Variants in ZDHHC14 observed in about 807,000 individuals in gnomAD.
ZDHHC14 encodes the protein zDHHC palmitoyltransferase 14.
Under a neutral mutation model 47.7 loss-of-function variants are expected in ZDHHC14, and 16 were observed. The observed-to-expected ratio is 0.34, with a 90% CI of 0.23 to 0.51. The LOEUF is 0.51. Among genes scored for constraint, ZDHHC14 ranks in the 20% least tolerant of loss-of-function variants. The probability of loss-of-function intolerance (pLI) is 0.97; values close to 1 mark genes in which losing one functional copy is unlikely to be tolerated. For synonymous variants in ZDHHC14, 293 were observed against 278.9 expected, an observed-to-expected ratio of 1.05 and a Z score of -0.50; for missense variants, 515 against 662.5, an observed-to-expected ratio of 0.78 and a Z score of 2.44.
intron 1 of ZDHHC14, among the ~76,000 whole-genome samples, chr6:157,518,393 TG>T (rs1166954551): frequency 7.0e-4 from 23 of 32,810 alleles, no homozygotes; most frequent in African/African-American, 3.0e-3. Context: ...AGGGAAGGGG[TG>T]GGGGGAGGGT....
intron 3 of ZDHHC14, among the ~76,000 whole-genome samples, chr6:157,626,808 T>G (rs1785443125): frequency 6.6e-6 from 1 of 151,890 alleles, no homozygotes; most frequent in South Asian, 2.1e-4. Flanking sequence ...CCCCGGGTAT[T>G]CTCTGTGATA....
chr6:157,411,771 A>T (rs183424879), intron 1 of ZDHHC14, among the ~76,000 whole-genome samples: 1 of 139,082 alleles, frequency 7.2e-6, no homozygotes, highest in Non-Finnish European at 1.6e-5. Context: ...AAAAAAAAAA[A>T]TTAAAGCTTT....
chr6:157,453,639 G>C (rs1000539340), intron 1 of ZDHHC14, among the ~76,000 whole-genome samples: 1 of 152,194 alleles, frequency 6.6e-6, no homozygotes, highest in Non-Finnish European at 1.5e-5. Flanking sequence ...TCATTCAGTA[G>C]GTATTTCTTG....
At chr6:157,437,459 G>A (rs1199588675) in intron 1 of ZDHHC14, among the ~76,000 whole-genome samples, 1 of 152,214 alleles carries the variant, frequency 6.6e-6, no homozygotes, top group Non-Finnish European at 1.5e-5. Flanking sequence ...GAACAGGTTT[G>A]TCTCTGTAGT....
intron 8 of ZDHHC14, among the ~76,000 whole-genome samples, chr6:157,660,242 G>A (rs1583090683): frequency 1.3e-5 from 2 of 150,066 alleles, no homozygotes; most frequent in African/African-American, 4.9e-5. Flanking sequence ...GCCCAGGCTG[G>A]AGTGCAGTGG....
At chr6:157,639,595 C>T (rs1358306541) in intron 5 of ZDHHC14, among the ~76,000 whole-genome samples, 1 of 152,236 alleles carries the variant, frequency 6.6e-6, no homozygotes, top group African/African-American at 2.4e-5. Context: ...AGCCACTGCA[C>T]CCGGCAAGAA....
At chr6:157,421,059 A>T (rs1008071106) in intron 1 of ZDHHC14, among the ~76,000 whole-genome samples, 1 of 151,334 alleles carries the variant, frequency 6.6e-6, no homozygotes, top group East Asian at 1.9e-4. Flanking sequence ...ACTTCAGTTT[A>T]TTTTTTTTTG....
chr6:157,580,124 T>C (rs1783460027), intron 2 of ZDHHC14, among the ~76,000 whole-genome samples: 1 of 152,214 alleles, frequency 6.6e-6, no homozygotes, highest in South Asian at 2.1e-4. Flanking sequence ...TCACATCTCT[T>C]TTATTTCTGC....
chr6:157,476,314 T>C (rs1170951328), intron 1 of ZDHHC14, among the ~76,000 whole-genome samples: 3 of 152,180 alleles, frequency 2.0e-5, no homozygotes, highest in Non-Finnish European at 4.4e-5. Context: ...CTAGAAGATA[T>C]GGGTCAATTC....
chr6:157,658,363 T>G (rs1562533949), intron 8 of ZDHHC14, among the ~76,000 whole-genome samples: 1 of 152,194 alleles, frequency 6.6e-6, no homozygotes, highest in African/African-American at 2.4e-5. Context: ...TTTGTGAGTC[T>G]CTGATCCTTG....
At chr6:157,468,263 C>A (rs1562437676) in intron 1 of ZDHHC14, among the ~76,000 whole-genome samples, 1 of 152,174 alleles carries the variant, frequency 6.6e-6, no homozygotes, top group Non-Finnish European at 1.5e-5. Flanking sequence ...TCTAGGAAAT[C>A]ATCAATGTCC....
rs561545105 is a variant in ZDHHC14, at chr6:157,561,500, C to T, written c.406+18755C>T. Among the ~76,000 whole-genome samples the T allele has an allele frequency of 6.6e-5, 10 of 152,254 alleles. No homozygotes were observed. In the South Asian group the frequency reaches 1.7e-3, roughly 25 times the overall value. The stretch of plus-strand genomic sequence containing the variant: ...CTGACTCAGCAGGTAGAGTGTCCGA[C>T]GGGCGCGCATGTGAGACCTGCTGTC... On this transcript the variant is annotated intron_variant, in intron 2 of 8. Transcript: ENST00000359775.
chr6:157,437,595 A>G (rs915575369), intron 1 of ZDHHC14, among the ~76,000 whole-genome samples: 4 of 152,206 alleles, frequency 2.6e-5, no homozygotes, highest in Admixed American at 6.5e-5. Context: ...GAAGACCCCA[A>G]TTAAAGAATC....
intron 3 of ZDHHC14, among the ~76,000 whole-genome samples, chr6:157,606,109 A>G (rs1004266464): frequency 1.4e-4 from 21 of 152,320 alleles, no homozygotes; most frequent in African/African-American, 4.6e-4. Flanking sequence ...TTTCAGGATA[A>G]CACAGGTCTC....
At chr6:157,493,328 G>A (rs1011682584) in intron 1 of ZDHHC14, among the ~76,000 whole-genome samples, 4 of 152,362 alleles carry the variant, frequency 2.6e-5, no homozygotes, top group South Asian at 2.1e-4. Context: ...CCGCAAGGGC[G>A]AGCGGGACGG....
intron 1 of ZDHHC14, among the ~76,000 whole-genome samples, chr6:157,509,657 T>C (rs1466697618): frequency 2.0e-5 from 3 of 152,198 alleles, no homozygotes; most frequent in African/African-American, 4.8e-5. Flanking sequence ...TTGAAATTAA[T>C]AAAACTGTGA....
Position 157,673,028 on chromosome 6 carries a change from C to T in ZDHHC14, c.1373C>T (p.Ala458Val), listed in dbSNP as rs750199563. Residue 458 changes from alanine to valine, a missense_variant, in exon 9 of 9, where the codon GCG becomes GTG. Physicochemically the swap from Ala to Val is moderately conservative, Grantham distance 64 (BLOSUM62 0). Around this residue, in one of 4 missense-constraint regions of ZDHHC14, gnomAD observed 221 missense variants for 233.6 expected, o/e 0.95. Transcript: ENST00000359775. The surrounding 1 kb of genome is among the most constrained non-coding windows in gnomAD (Gnocchi z 5.4). ...PRLLAAGSPLAHSRTMHVLGL... is the reference protein window; with the variant it reads ...PRLLAAGSPLVHSRTMHVLGL... ...CTACTGGCGGCGGGCAGCCCCCTGGCGCACAGCCGCACCATGCACGTGCTG... is the reference window on the plus strand; with the variant it reads ...CTACTGGCGGCGGGCAGCCCCCTGGTGCACAGCCGCACCATGCACGTGCTG... The T allele has an allele frequency of 5.1e-6, 8 of 1,563,704 alleles. No individual in the cohort carries two copies. The East Asian group carries it at 1.4e-4, about 28-fold the overall frequency.
At chr6:157,471,020 C>A (rs1779341354) in intron 1 of ZDHHC14, among the ~76,000 whole-genome samples, 1 of 152,154 alleles carries the variant, frequency 6.6e-6, no homozygotes. Flanking sequence ...TGGTGGGTTA[C>A]CAGGTCAGTC....
intron 1 of ZDHHC14, among the ~76,000 whole-genome samples, chr6:157,538,343 G>T (rs932470947): frequency 6.6e-6 from 1 of 152,172 alleles, no homozygotes; most frequent in Non-Finnish European, 1.5e-5. Context: ...AAGGAACTGG[G>T]CCTTAGCATC....
Sources: gnomAD v4.1 joint callset for allele counts (sites outside exome capture counted in the v4.1 genomes callset) on GRCh38, gnomAD v4.1.1 for gene constraint, gnomAD v4.1.1 regional missense constraint, Gnocchi (gnomAD v3.1) non-coding constraint, MANE v1.5 for transcripts, NCBI Gene and HGNC (gene_info 2026-07-23, HGNC 2026-07-21) for gene names.